FUT2: variants seen among roughly 807,000 people sequenced by gnomAD.
The protein encoded by FUT2 is fucosyltransferase 2 (H blood group).
For missense variants in FUT2, 419 were observed against 465.8 expected (o/e 0.90, Z 0.93); for synonymous variants, 182 against 193.1 (o/e 0.94, Z 0.48).
rs1568463036 is a variant in FUT2, at chr19:48,705,100, C to CTTTTTTTTTTTT, written c.*1117_*1118insTTTTTTTTTTTT. ...CCCAGAGAGCTCACTGTTTTCTTTT[C>CTTTTTTTTTTTT]TTTTTCTTTTCTTTTTTTTTTTTTT... On this transcript the variant is annotated 3_prime_UTR_variant, in exon 2 of 2. Coordinates refer to ENST00000425340, the MANE Select transcript of FUT2 (RefSeq NM_000511.6). 8.0e-5 allele frequency: 14 copies of CTTTTTTTTTTTT among 174,848 alleles called. No individual in the cohort carries two copies. The highest frequency in any genetic ancestry group is 6.4e-4 in the African/African-American group (14 of 21,778). The allele number at this position is 174,848 out of a possible 1,614,324, so 10.8% of individuals were successfully genotyped here.
rs139140874 is a variant in FUT2, at chr19:48,702,836, C to T, written c.-2-119C>T. The T allele has an allele frequency of 7.4e-6, 7 of 940,024 alleles. No homozygotes were observed. The East Asian group carries it at 1.7e-4, about 23-fold the overall frequency. The allele number at this position is 940,024 out of a possible 1,614,324, so 58.2% of individuals were successfully genotyped here. A position where few individuals can be genotyped will look rare whatever the true frequency, so the allele number is the denominator to read the frequency against. The stretch of plus-strand genomic sequence containing the variant: ...CAAGTATGTGCCAAGTATTTACACA[C>T]CTGAAGTAGAAGCACACACACACCC... On this transcript the variant is annotated intron_variant, in intron 1 of 1. Coordinates refer to ENST00000425340, the MANE Select transcript of FUT2 (RefSeq NM_000511.6).
Position 48,702,583 on chromosome 19 carries a change from C to T in FUT2, c.-2-372C>T, listed in dbSNP as rs1209880891. Among the ~76,000 whole-genome samples the T allele has an allele frequency of 3.3e-5, 5 of 151,870 alleles. No individual in the cohort carries two copies. The East Asian group carries it at 5.8e-4, about 18-fold the overall frequency. ...TTACACATATACCCTTACATGTACACGATATATCTCTACCCATACACTACC... is the reference window on the plus strand; with the variant it reads ...TTACACATATACCCTTACATGTACATGATATATCTCTACCCATACACTACC... On this transcript the variant is annotated intron_variant, in intron 1 of 1. Transcript: ENST00000425340.
At chr19:48,696,176 T>C (rs538940) in intron 1 of FUT2, 87 bp downstream of exon 1, 17,900 of 152,334 alleles carry the variant, frequency 0.12, 3,532 homozygotes, top group African/African-American at 0.41. Context: ...CGTGGACCTG[T>C]GTGCCCTCGT....
At chr19:48,697,248 G>A (rs189642872) in intron 1 of FUT2, among the ~76,000 whole-genome samples, 1 of 151,804 alleles carries the variant, frequency 6.6e-6, no homozygotes, top group African/African-American at 2.4e-5. Context: ...GGGAGGCTGA[G>A]GCAGGAGAAT....
chr19:48,703,275 T>A lies in FUT2; in HGVS notation c.319T>A (p.Phe107Ile). The A allele has an allele frequency of 6.2e-7, 1 of 1,613,048 alleles. No individual in the cohort carries two copies. The highest frequency in any genetic ancestry group is 8.5e-7 in the Non-Finnish European group (1 of 1,180,012). ...AQMHSTLAPI[F>I]RITLPVLHSA... ...GATGCACAGCACCCTGGCCCCCATC[T>A]TCAGAATCACCCTGCCGGTGCTGCA... Residue 107 changes from phenylalanine (F) to isoleucine (I), a missense_variant, in exon 2 of 2, where the codon TTC becomes ATC. Physicochemically the swap from Phe to Ile is conservative, Grantham distance 21. Transcript: ENST00000425340.
At position 48,704,741 on chromosome 19, in the gene FUT2, A is replaced by T; in HGVS notation, c.*753A>T. 2.4e-6 allele frequency: 1 copy of T among 413,522 alleles called. No homozygotes were observed. Among genetic ancestry groups the T allele is most frequent in the Non-Finnish European group, 4.4e-6 (1 of 226,266 alleles). The allele number at this position is 413,522 out of a possible 1,614,324, so 25.6% of individuals were successfully genotyped here. On this transcript the variant is annotated 3_prime_UTR_variant, in exon 2 of 2. Coordinates refer to ENST00000425340, the MANE Select transcript of FUT2 (RefSeq NM_000511.6). Reference sequence around the variant, plus strand: ...TGAATGAAACCTTCCTAAGCCTTCCAGCAATTTCCCCCCAACTCCGATGGG... The same window carrying T: ...TGAATGAAACCTTCCTAAGCCTTCCTGCAATTTCCCCCCAACTCCGATGGG...
chr19:48,705,753 T>C lies in FUT2; in HGVS notation c.*1765T>C, dbSNP rs503279. ...AATTTTTTTTAATCACCAGTGTGCA[T>C]ACAGTCATGGAGTTGGGTATTCCCA... On this transcript the variant is annotated 3_prime_UTR_variant, in exon 2 of 2. Transcript: ENST00000425340. The C allele has an allele frequency of 0.47, 77,676 of 166,720 alleles. 19,235 individuals are homozygous for C. The highest frequency in any genetic ancestry group is 0.58 in the Middle Eastern group (173 of 296). 10.3% of individuals were successfully genotyped at this position (166,720 alleles called of 1,614,324 possible). A position where few individuals can be genotyped will look rare whatever the true frequency, so the allele number is the denominator to read the frequency against.
At chr19:48,702,270 G>A (rs1371853810) in intron 1 of FUT2, among the ~76,000 whole-genome samples, 1 of 151,938 alleles carries the variant, frequency 6.6e-6, no homozygotes, top group Non-Finnish European at 1.5e-5. Flanking sequence ...AGCTGGGCGT[G>A]GTGATGTGCA....
chr19:48,699,995 A>C (rs1171531246), intron 1 of FUT2, among the ~76,000 whole-genome samples: 1 of 151,596 alleles, frequency 6.6e-6, no homozygotes, highest in Non-Finnish European at 1.5e-5. Context: ...CCGACTAAAA[A>C]TACAAAAATT....
chr19:48,699,140 A>G (rs1007931698), intron 1 of FUT2, among the ~76,000 whole-genome samples: 11 of 151,976 alleles, frequency 7.2e-5, no homozygotes, highest in Admixed American at 2.0e-4. Flanking sequence ...AAGTGTTGAC[A>G]TGGGAGCCTT....
In FUT2 at chr19:48,703,262, C is replaced by T. The variant is rs745525259; in HGVS notation, c.306C>T (p.Thr102=). ...PAFIPAQMHS[T]LAPIFRITLP... Reference sequence around the variant, plus strand: ...TCATCCCGGCCCAGATGCACAGCACCCTGGCCCCCATCTTCAGAATCACCC... The same window carrying T: ...TCATCCCGGCCCAGATGCACAGCACTCTGGCCCCCATCTTCAGAATCACCC... The change falls in exon 2 of 2, where the codon ACC becomes ACT. Residue 102 remains threonine, a synonymous_variant. Transcript: ENST00000425340. The T allele has an allele frequency of 5.0e-6, 8 of 1,613,024 alleles. No homozygotes were observed. The highest frequency in any genetic ancestry group is 4.4e-5 in the South Asian group (4 of 90,600).
intron 1 of FUT2, among the ~76,000 whole-genome samples, chr19:48,699,626 T>C (rs140966715): frequency 1.1e-4 from 17 of 152,172 alleles, no homozygotes; most frequent in African/African-American, 3.8e-4. Flanking sequence ...GCCTTGTGGG[T>C]GACAATAGCA....
At chr19:48,701,695 C>G (rs1601235952) in intron 1 of FUT2, among the ~76,000 whole-genome samples, 1 of 151,750 alleles carries the variant, frequency 6.6e-6, no homozygotes, top group Admixed American at 6.6e-5. Flanking sequence ...AAAATAAAAA[C>G]AAAAGATGAA....
At chr19:48,698,184 C>T (rs2032449549) in intron 1 of FUT2, among the ~76,000 whole-genome samples, 1 of 151,934 alleles carries the variant, frequency 6.6e-6, no homozygotes, top group Non-Finnish European at 1.5e-5. Flanking sequence ...TAAAGTCACA[C>T]AGCACATAAA....
chr19:48,698,723 G>A (rs748264840), intron 1 of FUT2, among the ~76,000 whole-genome samples: 7 of 152,102 alleles, frequency 4.6e-5, no homozygotes, highest in East Asian at 3.9e-4. Flanking sequence ...AATTACAGGC[G>A]TGAGCCACTG....
chr19:48,704,104 G>A lies in FUT2; in HGVS notation c.*116G>A, dbSNP rs144000993. 5.2e-4 allele frequency: 527 copies of A among 1,011,168 alleles called. 11 individuals carry two copies. Among genetic ancestry groups the A allele is most frequent in the African/African-American group, 5.0e-3 (317 of 63,404 alleles). 62.6% of individuals were successfully genotyped at this position (1,011,168 alleles called of 1,614,324 possible). On this transcript the variant is annotated 3_prime_UTR_variant, in exon 2 of 2. Coordinates refer to ENST00000425340, the MANE Select transcript of FUT2 (RefSeq NM_000511.6). ...ACCCATCTCTCTTCTGTGAAGATGCGTTGGGCTGCAAGTAACAGAAATCTC... is the reference window on the plus strand; with the variant it reads ...ACCCATCTCTCTTCTGTGAAGATGCATTGGGCTGCAAGTAACAGAAATCTC...
chr19:48,702,948 C>G lies in FUT2; in HGVS notation c.-2-7C>G, dbSNP rs779916433. 6.2e-7 allele frequency: 1 copy of G among 1,613,050 alleles called. No homozygotes were observed. The highest frequency in any genetic ancestry group is 1.1e-5 in the South Asian group (1 of 90,568). ...AGCTAACGTGTCCCGTTTTCCTCCC[C>G]TGACAGCCATGCTGGTCGTTCAGAT... On this transcript the variant is annotated splice_region_variant and splice_polypyrimidine_tract_variant and intron_variant, in intron 1 of 1. Coordinates refer to ENST00000425340, the MANE Select transcript of FUT2 (RefSeq NM_000511.6).
Position 48,703,852 on chromosome 19 carries a change from C to T in FUT2, c.896C>T (p.Thr299Met), listed in dbSNP as rs146216418. Residue 299 changes from threonine (T) to methionine (M), a missense_variant, in exon 2 of 2, where the codon ACG (threonine) becomes ATG (methionine). Coordinates refer to ENST00000425340, the MANE Select transcript of FUT2 (RefSeq NM_000511.6). ...TTCGGGATCTGGGCCGCATACCTCA[C>T]GGGCGGAGACACCATCTACCTGGCC... ...GTFGIWAAYLTGGDTIYLANY... is the reference protein window; with the variant it reads ...GTFGIWAAYLMGGDTIYLANY... The T allele has an allele frequency of 7.1e-5, 114 of 1,613,650 alleles. 9 individuals are homozygous for T. Among genetic ancestry groups the T allele is most frequent in the South Asian group, 5.1e-4 (46 of 90,636 alleles).
At chr19:48,696,806 C>T (rs986525359) in intron 1 of FUT2, among the ~76,000 whole-genome samples, 1 of 151,956 alleles carries the variant, frequency 6.6e-6, no homozygotes, top group African/African-American at 2.4e-5. Flanking sequence ...GGGCACGGGG[C>T]GGTTGGGGTA....
Sources: gnomAD v4.1 joint callset for allele counts (sites outside exome capture counted in the v4.1 genomes callset) on GRCh38, gnomAD v4.1.1 for gene constraint, MANE v1.5 for transcripts, NCBI Gene and HGNC (gene_info 2026-07-23, HGNC 2026-07-21) for gene names.